The following LRMDA variants were observed in gnomAD, a reference collection of about 807,000 sequenced individuals.
LRMDA encodes leucine-rich melanocyte differentiation-associated protein.
A neutral mutation model predicts 29.8 loss-of-function variants in LRMDA; 18 were observed. That is an observed-to-expected ratio of 0.60 (90% CI 0.42 to 0.90). The LOEUF (loss-of-function observed/expected upper bound fraction) is 0.90, where lower values mean the gene tolerates loss of function less well. LRMDA is among the 40% of genes least tolerant of loss of function. The pLI is 0.00. For synonymous variants in LRMDA, 125 were observed against 109.4 expected, an observed-to-expected ratio of 1.14 and a Z score of -0.89; for missense variants, 273 against 273.9, an observed-to-expected ratio of 1.00 and a Z score of 0.02.
At chr10:76,110,633 G>A (rs1054671710) in intron 5 of LRMDA, among the ~76,000 whole-genome samples, 1 of 152,104 alleles carries the variant, frequency 6.6e-6, no homozygotes, top group Non-Finnish European at 1.5e-5. Flanking sequence ...TGCTCTTCTC[G>A]TGATAGTGAA....
At position 76,285,430 on chromosome 10, in the gene LRMDA, T is replaced by A. The variant is rs868344674; in HGVS notation, c.517-38971T>A. Among the ~76,000 whole-genome samples, 19 of 100,938 alleles carry A rather than the reference T, an allele frequency of 1.9e-4. 1 individual carries two copies. The highest frequency in any genetic ancestry group is 5.4e-3 in the Middle Eastern group (1 of 184). 66.2% of individuals were successfully genotyped at this position (100,938 alleles called of 152,430 possible). A position where few individuals can be genotyped will look rare whatever the true frequency, so the allele number is the denominator to read the frequency against. On this transcript the variant is annotated intron_variant, in intron 5 of 6. Coordinates refer to ENST00000611255, the MANE Select transcript of LRMDA (RefSeq NM_001305581.2). ...AATGTGAGTGGCTAATTGTGCTAAA[T>A]ATTAAAAAAAAAAAAATAGATGTAA...
intron 2 of LRMDA, among the ~76,000 whole-genome samples, chr10:76,013,316 G>A (rs1176683466): frequency 7.1e-6 from 1 of 139,940 alleles, no homozygotes; most frequent in East Asian, 2.0e-4. Flanking sequence ...TTTTTGCTTT[G>A]ACTTTAACTG....
At chr10:76,440,172 G>A (rs1842287026) in intron 6 of LRMDA, among the ~76,000 whole-genome samples, 1 of 152,210 alleles carries the variant, frequency 6.6e-6, no homozygotes. Flanking sequence ...GGCAATGAGG[G>A]CAAAGAGAGT....
chr10:75,716,930 G>C (rs143601161), intron 2 of LRMDA, among the ~76,000 whole-genome samples: 56 of 152,316 alleles, frequency 3.7e-4, no homozygotes, highest in African/African-American at 1.3e-3. Flanking sequence ...AATCAGTCTT[G>C]TGTGTGATTA....
chr10:76,423,637 TA>T (rs1043169868), intron 6 of LRMDA, among the ~76,000 whole-genome samples: 2 of 152,206 alleles, frequency 1.3e-5, no homozygotes, highest in African/African-American at 4.8e-5. Flanking sequence ...TAAATTTTGT[TA>T]TAAAGGGAAT....
chr10:76,419,102 C>T (rs1175232345), intron 6 of LRMDA, among the ~76,000 whole-genome samples: 1 of 152,054 alleles, frequency 6.6e-6, no homozygotes, highest in Non-Finnish European at 1.5e-5. Context: ...CACCCAAAGT[C>T]CATGGTTGAC....
intron 5 of LRMDA, among the ~76,000 whole-genome samples, chr10:76,187,691 A>C (rs1851174548): frequency 6.6e-6 from 1 of 152,130 alleles, no homozygotes; most frequent in Non-Finnish European, 1.5e-5. Flanking sequence ...GACAGAGGTA[A>C]GGAAGGGAAG....
At chr10:76,080,279 C>A (rs954046287) in intron 5 of LRMDA, among the ~76,000 whole-genome samples, 5 of 152,178 alleles carry the variant, frequency 3.3e-5, no homozygotes, top group Non-Finnish European at 5.9e-5. Context: ...ATTATATTTT[C>A]AAATATTTGA....
intron 5 of LRMDA, among the ~76,000 whole-genome samples, chr10:76,144,302 T>C (rs1186417223): frequency 6.6e-6 from 1 of 152,228 alleles, no homozygotes; most frequent in Non-Finnish European, 1.5e-5. Flanking sequence ...ATTTTCATGA[T>C]ATTGATTTTT....
intron 2 of LRMDA, among the ~76,000 whole-genome samples, chr10:75,948,725 C>A: frequency 6.6e-6 from 1 of 152,196 alleles, no homozygotes; most frequent in East Asian, 1.9e-4. Flanking sequence ...TTTTCTCCCC[C>A]TTCTGAGTGA....
intron 2 of LRMDA, among the ~76,000 whole-genome samples, chr10:75,577,248 A>G (rs1373696582): frequency 6.6e-6 from 1 of 152,212 alleles, no homozygotes; most frequent in African/African-American, 2.4e-5. Context: ...AGCATACACA[A>G]GTATCAATAG....
At chr10:76,359,863 T>G (rs1841289961) in intron 6 of LRMDA, among the ~76,000 whole-genome samples, 1 of 152,180 alleles carries the variant, frequency 6.6e-6, no homozygotes, top group Non-Finnish European at 1.5e-5. Flanking sequence ...GAGTAGAGCT[T>G]TGCTTCAAAG....
chr10:75,820,502 C>T (rs1037291054), intron 2 of LRMDA, among the ~76,000 whole-genome samples: 17 of 152,172 alleles, frequency 1.1e-4, no homozygotes, highest in East Asian at 5.8e-4. Context: ...GATACAGCAA[C>T]GGCAGTGCCA....
At chr10:75,881,487 C>T (rs1019732785) in intron 2 of LRMDA, among the ~76,000 whole-genome samples, 34 of 152,084 alleles carry the variant, frequency 2.2e-4, no homozygotes, top group Non-Finnish European at 3.8e-4. Context: ...CAAATCTCTC[C>T]CCCCCACTAC....
chr10:75,943,350 A>G (rs951265318), intron 2 of LRMDA, among the ~76,000 whole-genome samples: 2 of 152,166 alleles, frequency 1.3e-5, no homozygotes, highest in African/African-American at 2.4e-5. Context: ...TGAAAGTACT[A>G]TTCTCCCACC....
chr10:75,933,848 A>G (rs1846243708), intron 2 of LRMDA, among the ~76,000 whole-genome samples: 1 of 152,072 alleles, frequency 6.6e-6, no homozygotes, highest in Non-Finnish European at 1.5e-5. Context: ...ATTTGCCTGT[A>G]TAAGGGTTGT....
chr10:75,853,009 G>GA (rs1198033096), intron 2 of LRMDA, among the ~76,000 whole-genome samples: 1 of 152,096 alleles, frequency 6.6e-6, no homozygotes, highest in Non-Finnish European at 1.5e-5. Flanking sequence ...AGCAAAGGGG[G>GA]AAAAGCCCCT....
chr10:75,790,795 G>T (rs1490005070), intron 2 of LRMDA, among the ~76,000 whole-genome samples: 3 of 152,242 alleles, frequency 2.0e-5, no homozygotes. Flanking sequence ...TTCAAGGGCT[G>T]TGAGTCTCCT....
chr10:75,836,218 A>G (rs1367110500), intron 2 of LRMDA, among the ~76,000 whole-genome samples: 1 of 152,312 alleles, frequency 6.6e-6, no homozygotes, highest in South Asian at 2.1e-4. Flanking sequence ...GAAAATGTGC[A>G]TTGGCTTTTG....
Sources: allele counts gnomAD v4.1 joint callset (sites outside exome capture counted in the v4.1 genomes callset), GRCh38; gene constraint gnomAD v4.1.1; transcripts MANE v1.5; gene names NCBI Gene and HGNC (gene_info 2026-07-23, HGNC 2026-07-21).